Variants in SLC26A5 observed in about 807,000 individuals in gnomAD.
The protein encoded by SLC26A5 is prestin.
A neutral mutation model predicts 81.0 loss-of-function variants in SLC26A5; 51 were observed. The ratio of observed to expected loss-of-function variants is 0.63; its 90% confidence interval spans 0.50 to 0.80. SLC26A5 has a LOEUF of 0.80. Among genes scored for constraint, SLC26A5 ranks in the 30% least tolerant of loss-of-function variants. The probability of loss-of-function intolerance (pLI) is 0.00; values close to 1 mark genes in which losing one functional copy is unlikely to be tolerated. For synonymous variants in SLC26A5, 325 were observed against 332.8 expected (o/e 0.98, Z 0.25); for missense variants, 771 against 905.8 (o/e 0.85, Z 1.91).
At chr7:103,394,531 A>G (rs1282799773) in intron 9 of SLC26A5, among the ~76,000 whole-genome samples, 1 of 152,226 alleles carries the variant, frequency 6.6e-6, no homozygotes, top group Non-Finnish European at 1.5e-5. Context: ...TAAACAAACA[A>G]ACAAGAAAAC....
intron 8 of SLC26A5, among the ~76,000 whole-genome samples, chr7:103,400,358 A>G (rs571193557): frequency 6.6e-6 from 1 of 152,344 alleles, no homozygotes; most frequent in Non-Finnish European, 1.5e-5. Context: ...TGTTGGCTGC[A>G]TAAACGTCTT....
At chr7:103,374,132 G>A (rs889939265), downstream of SLC26A5, 9 of 1,149,504 alleles carry the variant, frequency 7.8e-6, no homozygotes, top group Non-Finnish European at 8.7e-6. Flanking sequence ...TAAATTTTTC[G>A]ATGCTTAGCT....
rs1356529380 is a variant in SLC26A5, at chr7:103,352,922, GA to G, written c.2045del (p.Phe682SerfsTer41). On this transcript the variant is annotated frameshift_variant, in exon 20 of 20. Coordinates refer to the SLC26A5 transcript ENST00000339444. LOFTEE classifies it high-confidence loss of function. ...CTCCATCTTCTGGTCATCTCTGTAT[GA>G]AAGCTGAAACAAGAGGGTAGAGTGA... 1 of 780,820 alleles carries G rather than the reference GA, an allele frequency of 1.3e-6. No homozygotes were observed. The highest frequency in any genetic ancestry group is 1.7e-5 in the African/African-American group (1 of 59,122). 48.4% of individuals were successfully genotyped at this position (780,820 alleles called of 1,614,324 possible). A position where few individuals can be genotyped will look rare whatever the true frequency, so the allele number is the denominator to read the frequency against.
intron 11 of SLC26A5, among the ~76,000 whole-genome samples, chr7:103,390,795 G>A (rs1586249907): frequency 6.6e-6 from 1 of 152,106 alleles, no homozygotes; most frequent in East Asian, 1.9e-4. Flanking sequence ...GACCTACAAG[G>A]GCCACCAGAA....
chr7:103,362,878 C>T, intron 19 of SLC26A5: 1 of 734,032 alleles, frequency 1.4e-6, no homozygotes, highest in East Asian at 2.8e-5. Context: ...ACTGCAACCT[C>T]TGCCTCCCGG....
chr7:103,435,718 A>T (rs1011797118), intron 2 of SLC26A5, among the ~76,000 whole-genome samples: 1 of 152,100 alleles, frequency 6.6e-6, no homozygotes, highest in African/African-American at 2.4e-5. Flanking sequence ...CTAACTCCAT[A>T]CAGGGGGTTC....
In SLC26A5 at chr7:103,411,505, A is replaced by C; in HGVS notation, c.485T>G (p.Val162Gly). The change falls in exon 6 of 20, where the codon GTA (valine) becomes GGA (glycine). Residue 162 changes from valine to glycine, a missense_variant. By Grantham distance (109) the Val-to-Gly change is moderately radical. Transcript: ENST00000306312. ...GGCCTCTGTGCCATTGGTTGCATTT[A>C]CTCCTCCTGGAATGACTATATCATC... is the stretch of plus-strand genomic sequence containing the variant. ...VPDDIVIPGG[V>G]NATNGTEARD... The C allele has an allele frequency of 6.2e-7, 1 of 1,614,066 alleles. No homozygotes were observed. Among genetic ancestry groups the C allele is most frequent in the South Asian group, 1.1e-5 (1 of 91,066 alleles).
chr7:103,386,268 T>C (rs1822186413), intron 14 of SLC26A5, among the ~76,000 whole-genome samples: 2 of 151,658 alleles, frequency 1.3e-5, no homozygotes, highest in African/African-American at 4.8e-5. Flanking sequence ...TTGCTGGACT[T>C]TAAAATTTAT....
intron 15 of SLC26A5, 107 bp downstream of exon 15, chr7:103,380,373 C>G: frequency 1.2e-6 from 1 of 856,158 alleles, no homozygotes; most frequent in South Asian, 1.4e-5. Context: ...TCACTTTGAC[C>G]ACTATACCTC....
intron 8 of SLC26A5, among the ~76,000 whole-genome samples, chr7:103,404,195 A>T (rs1823840894): frequency 1.3e-5 from 2 of 152,092 alleles, no homozygotes; most frequent in Non-Finnish European, 2.9e-5. Context: ...AAAAAAAAAA[A>T]TATTGTTATG....
chr7:103,379,540 T>C (rs138011071), intron 15 of SLC26A5, among the ~76,000 whole-genome samples: 1 of 151,450 alleles, frequency 6.6e-6, no homozygotes, highest in Non-Finnish European at 1.5e-5. Context: ...CTACTCATGC[T>C]CTGAATGGAA....
At chr7:103,427,912 G>C (rs1825814455) in intron 2 of SLC26A5, among the ~76,000 whole-genome samples, 1 of 150,784 alleles carries the variant, frequency 6.6e-6, no homozygotes, top group African/African-American at 2.5e-5. Context: ...GAGTGCAGTG[G>C]TGCGATCTTG....
chr7:103,416,395 T>C (rs1198797749), intron 4 of SLC26A5, among the ~76,000 whole-genome samples: 2 of 152,242 alleles, frequency 1.3e-5, no homozygotes, highest in Non-Finnish European at 1.5e-5. Context: ...TGCAGGCACT[T>C]TGAAGTAAAC....
chr7:103,419,918 GCTTTTTTCTGCTT>G (rs1825207521), intron 4 of SLC26A5, among the ~76,000 whole-genome samples: 1 of 151,888 alleles, frequency 6.6e-6, no homozygotes, highest in African/African-American at 2.4e-5. Flanking sequence ...TTTTATATGT[GCTTTTTTCTGCTT>G]AGCAATCTCA....
intron 14 of SLC26A5, among the ~76,000 whole-genome samples, chr7:103,383,906 C>T (rs1216421989): frequency 6.6e-6 from 1 of 152,064 alleles, no homozygotes; most frequent in African/African-American, 2.4e-5. Context: ...CTTTGGGAGG[C>T]TGAGGTGGGA....
chr7:103,440,262 A>G (rs912021959), intron 2 of SLC26A5, among the ~76,000 whole-genome samples: 1 of 152,216 alleles, frequency 6.6e-6, no homozygotes, highest in African/African-American at 2.4e-5. Context: ...TACCTTTGAG[A>G]TTGTTGTTAA....
intron 2 of SLC26A5, among the ~76,000 whole-genome samples, chr7:103,437,420 C>A (rs1826529410): frequency 6.6e-6 from 1 of 152,188 alleles, no homozygotes; most frequent in African/African-American, 2.4e-5. Context: ...ATCCAACAAT[C>A]CCACTTCTGG....
At chr7:103,439,327 C>G (rs1162948530) in intron 2 of SLC26A5, among the ~76,000 whole-genome samples, 2 of 152,188 alleles carry the variant, frequency 1.3e-5, no homozygotes, top group Non-Finnish European at 2.9e-5. Flanking sequence ...AGAACACAGG[C>G]TGCTGCTGTT....
intron 2 of SLC26A5, among the ~76,000 whole-genome samples, chr7:103,427,447 T>C (rs1825781677): frequency 6.6e-6 from 1 of 152,156 alleles, no homozygotes; most frequent in Non-Finnish European, 1.5e-5. Context: ...TGGATCCATC[T>C]ACACTCACTT....
Sources: gnomAD v4.1 joint callset for allele counts (sites outside exome capture counted in the v4.1 genomes callset) on GRCh38, gnomAD v4.1.1 for gene constraint, MANE v1.5 for transcripts, NCBI Gene and HGNC (gene_info 2026-07-23, HGNC 2026-07-21) for gene names.